The following USH2A variants were observed in gnomAD, a reference collection of about 807,000 sequenced individuals.
USH2A encodes Usher syndrome 2A (autosomal recessive, mild).
A neutral mutation model predicts 538.9 loss-of-function variants in USH2A; 443 were observed. That is an observed-to-expected ratio of 0.82 (90% CI 0.76 to 0.89). The LOEUF is 0.89. USH2A is among the 40% of genes least tolerant of loss of function. The probability of loss-of-function intolerance (pLI) is 0.00; values close to 1 mark genes in which losing one functional copy is unlikely to be tolerated. For synonymous variants in USH2A, 2,413 were observed against 2,273.5 expected (o/e 1.06, Z -1.75); for missense variants, 6,633 against 6,324.8 (o/e 1.05, Z -1.65).
At chr1:215,632,226 C>T (rs960177270) in intron 70 of USH2A, among the ~76,000 whole-genome samples, 7 of 152,004 alleles carry the variant, frequency 4.6e-5, no homozygotes, top group African/African-American at 1.7e-4. Flanking sequence ...CCGAGCCTGG[C>T]CCAGACTTCT....
At chr1:216,345,979 A>G (rs2038168665) in intron 4 of USH2A, among the ~76,000 whole-genome samples, 1 of 152,118 alleles carries the variant, frequency 6.6e-6, no homozygotes, top group Non-Finnish European at 1.5e-5. Context: ...GTAGCTCAGT[A>G]GCTGAGGCTT....
intron 14 of USH2A, among the ~76,000 whole-genome samples, chr1:216,218,486 C>A (rs1469071635): frequency 2.6e-5 from 4 of 152,084 alleles, no homozygotes; most frequent in Non-Finnish European, 5.9e-5. Flanking sequence ...CAAATGGATT[C>A]ACCTATATAT....
chr1:215,880,495 A>G (rs1447096105), intron 41 of USH2A, among the ~76,000 whole-genome samples: 1 of 152,210 alleles, frequency 6.6e-6, no homozygotes, highest in Non-Finnish European at 1.5e-5. Flanking sequence ...GATGAAGAGA[A>G]GTTTTAGATG....
At chr1:215,710,652 T>A (rs1394708695) in intron 61 of USH2A, among the ~76,000 whole-genome samples, 1 of 152,056 alleles carries the variant, frequency 6.6e-6, no homozygotes, top group African/African-American at 2.4e-5. Flanking sequence ...CTACAGACAC[T>A]AAAAGCATCA....
At chr1:216,019,075 T>A (rs980932160) in intron 32 of USH2A, among the ~76,000 whole-genome samples, 1 of 152,324 alleles carries the variant, frequency 6.6e-6, no homozygotes, top group East Asian at 1.9e-4. Context: ...ATATAGACAA[T>A]TTAAATCTTT....
At chr1:216,188,866 C>A (rs1013346772) in intron 20 of USH2A, among the ~76,000 whole-genome samples, 1 of 151,918 alleles carries the variant, frequency 6.6e-6, no homozygotes, top group Non-Finnish European at 1.5e-5. Flanking sequence ...CTATAACACA[C>A]CCAGTCTTCA....
At chr1:216,040,367 G>A (rs1168344905) in intron 32 of USH2A, among the ~76,000 whole-genome samples, 1 of 151,924 alleles carries the variant, frequency 6.6e-6, no homozygotes, top group African/African-American at 2.4e-5. Flanking sequence ...CAATGGCTTA[G>A]GTTGGCTTAA....
intron 3 of USH2A, among the ~76,000 whole-genome samples, chr1:216,388,968 A>C (rs983877121): frequency 1.3e-5 from 2 of 152,236 alleles, no homozygotes; most frequent in African/African-American, 4.8e-5. Flanking sequence ...AAATTTTCAC[A>C]AAGTTATATA....
At chr1:216,260,551 T>C (rs903936203) in intron 11 of USH2A, among the ~76,000 whole-genome samples, 1 of 152,112 alleles carries the variant, frequency 6.6e-6, no homozygotes, top group Admixed American at 6.5e-5. Flanking sequence ...GCAATGCACA[T>C]ATCCATCCCT....
intron 14 of USH2A, among the ~76,000 whole-genome samples, chr1:216,227,833 C>T (rs144668022): frequency 8.5e-5 from 13 of 152,268 alleles, no homozygotes; most frequent in Non-Finnish European, 1.6e-4. Flanking sequence ...ATAAGAAGTA[C>T]ATACATGGTA....
At chr1:216,033,849 A>G (rs546354321) in intron 32 of USH2A, among the ~76,000 whole-genome samples, 1 of 152,288 alleles carries the variant, frequency 6.6e-6, no homozygotes, top group Non-Finnish European at 1.5e-5. Flanking sequence ...TAAAACAAGA[A>G]CAGCAAAAAA....
chr1:216,035,767 C>A (rs1048670193), intron 32 of USH2A, among the ~76,000 whole-genome samples: 3 of 152,100 alleles, frequency 2.0e-5, no homozygotes, highest in African/African-American at 7.2e-5. Context: ...TATTAATTTA[C>A]TGAGTCTCAG....
At chr1:216,386,564 T>C (rs1247538882) in intron 3 of USH2A, among the ~76,000 whole-genome samples, 2 of 143,066 alleles carry the variant, frequency 1.4e-5, no homozygotes, top group Admixed American at 1.4e-4. Flanking sequence ...TATATATATA[T>C]ATGCTGGGTG....
At chr1:216,174,946 T>G in intron 21 of USH2A, 1 of 1,202,106 alleles carries the variant, frequency 8.3e-7, no homozygotes, top group Middle Eastern at 3.6e-4. Context: ...CAGTGAATAA[T>G]ATTTCAAGAA....
intron 38 of USH2A, 63 bp downstream of exon 38, chr1:215,934,553 A>C: frequency 6.5e-7 from 1 of 1,529,454 alleles, no homozygotes; most frequent in Non-Finnish European, 9.0e-7. Flanking sequence ...CAAGGTATTC[A>C]ATGGAAACTT....
chr1:216,121,848 T>A (rs2033145066), intron 21 of USH2A, among the ~76,000 whole-genome samples: 1 of 152,202 alleles, frequency 6.6e-6, no homozygotes, highest in Non-Finnish European at 1.5e-5. Flanking sequence ...TTGCTTTATA[T>A]TTCATAAAAA....
rs1655951734 is a variant in USH2A, at chr1:215,624,740, A to G, written c.*1041T>C. The G allele has an allele frequency of 6.6e-6, 1 of 152,136 alleles. No homozygotes were observed. Among genetic ancestry groups the G allele is most frequent in the Non-Finnish European group, 1.5e-5 (1 of 68,020 alleles). The allele number at this position is 152,136 out of a possible 1,614,324, so 9.4% of individuals were successfully genotyped here. On this transcript the variant is annotated 3_prime_UTR_variant, in exon 72 of 72. Coordinates refer to ENST00000307340, the MANE Select transcript of USH2A (RefSeq NM_206933.4). ...GGCTAAAATAATGGCTAGTTCTCCA[A>G]AAAGAAGGGATATAGTGCAGAGTAA...
intron 4 of USH2A, among the ~76,000 whole-genome samples, chr1:216,334,839 C>T (rs1246106412): frequency 6.6e-6 from 1 of 151,708 alleles, no homozygotes; most frequent in Admixed American, 6.6e-5. Flanking sequence ...AAAAATTCAC[C>T]ATTTAACAAC....
At chr1:216,037,254 C>T (rs374487624) in intron 32 of USH2A, among the ~76,000 whole-genome samples, 81 of 152,066 alleles carry the variant, frequency 5.3e-4, no homozygotes, top group African/African-American at 2.0e-3. Flanking sequence ...TGAGCAGGGG[C>T]ATCATCATGG....
Sources: allele counts gnomAD v4.1 joint callset (sites outside exome capture counted in the v4.1 genomes callset), GRCh38; gene constraint gnomAD v4.1.1; transcripts MANE v1.5; gene names NCBI Gene and HGNC (gene_info 2026-07-23, HGNC 2026-07-21).